ZNF75D: variants seen among roughly 807,000 people sequenced by gnomAD.
ZNF75D encodes zinc finger protein 75D, also known as zinc finger protein 75.
ZNF75D carries 33 observed loss-of-function variants against 33.3 expected under a neutral mutation model. The ratio of observed to expected loss-of-function variants is 0.99; its 90% CI spans 0.75 to 1.32. The LOEUF is 1.32. Among genes scored for constraint, ZNF75D ranks in the 40% most tolerant of loss-of-function variants. The pLI, the probability that ZNF75D is intolerant of heterozygous loss-of-function variation, is 0.00. For synonymous variants in ZNF75D, 113 were observed against 130.6 expected (o/e 0.87, Z 0.92); for missense variants, 338 against 367.5 (o/e 0.92, Z 0.66).
At chrX:135,260,010 T>C (rs1057274939) in intron 1 of ZNF75D, among the ~76,000 whole-genome samples, 9 of 112,257 alleles carry the variant, frequency 8.0e-5, no homozygotes, top group Non-Finnish European at 1.5e-4. Context: ...TGAAGGGCTG[T>C]TGAATTTTGT....
chrX:135,302,465 G>GC (rs1258061363), intron 1 of ZNF75D, among the ~76,000 whole-genome samples: 1 of 112,508 alleles, frequency 8.9e-6, no homozygotes, highest in Non-Finnish European at 1.9e-5. Context: ...GGCAGTGCTT[G>GC]TTTAGCTGCT....
chrX:135,263,538 C>G (rs2083851281), intron 1 of ZNF75D, among the ~76,000 whole-genome samples: 2 of 112,976 alleles, frequency 1.8e-5, no homozygotes, highest in Non-Finnish European at 3.7e-5. Context: ...CGCCCCTCCC[C>G]TAGCCAGGTT....
At position 135,292,244 on chromosome X, in the gene ZNF75D, G is replaced by C. The variant is rs374530162; in HGVS notation, c.604+37C>G. On this transcript the variant is annotated intron_variant, in intron 4 of 6. Coordinates refer to ENST00000370766, the MANE Select transcript of ZNF75D (RefSeq NM_007131.5). ...TCTAGGTGAACTAATTACTACCACA[G>C]CTCCCAGGAGAAGACAATTATGATG... 4 of 1,168,544 alleles carry C rather than the reference G, an allele frequency of 3.4e-6. No homozygotes were observed. In the African/African-American group the frequency reaches 5.3e-5, roughly 16 times the overall value.
intron 1 of ZNF75D, chrX:135,297,359 G>A (rs782502876): frequency 1.1e-4 from 12 of 112,331 alleles, no homozygotes; most frequent in Admixed American, 3.8e-4. Context: ...TAGTAAAAAT[G>A]TTTGGTTCAT....
chrX:135,336,919 A>G lies in ZNF75D; in HGVS notation c.-391+4849T>C, dbSNP rs781976680. Reference sequence around the variant, plus strand: ...TGTCATTAAGTTGTTAGGGACCTCCACTAATCAGATACCTGCAAAGAAGTC... The same window carrying G: ...TGTCATTAAGTTGTTAGGGACCTCCGCTAATCAGATACCTGCAAAGAAGTC... On this transcript the variant is annotated intron_variant, in intron 1 of 6. Transcript: ENST00000370766. Among the ~76,000 whole-genome samples the G allele has an allele frequency of 1.5e-4, 17 of 111,644 alleles. No individual in the cohort carries two copies. In the South Asian group the frequency reaches 6.4e-3, roughly 42 times the overall value.
rs1193108953 is a variant in ZNF75D, at chrX:135,275,114, G to A, written n.828-19337C>T. On this transcript the variant is annotated intron_variant and non_coding_transcript_variant, in intron 1 of 3. Transcript: ENST00000494295. ...GAACCAGTAAATAGGGGGAAAAGAT[G>A]TAGAAAAAGTTAAGATAATAAAATA... Among the ~76,000 whole-genome samples the A allele has an allele frequency of 3.6e-5, 4 of 112,661 alleles. No homozygotes were observed. The Admixed American group carries it at 3.8e-4, about 11-fold the overall frequency.
Position 135,287,830 on chromosome X carries a change from A to C in ZNF75D, c.840T>G (p.Asn280Lys). 2.5e-6 allele frequency: 3 copies of C among 1,201,850 alleles called. No individual in the cohort carries two copies. The highest frequency in any genetic ancestry group is 1.1e-6 in the Non-Finnish European group (1 of 888,350). The change falls in exon 7 of 7, where the codon AAT (asparagine) becomes AAG (lysine). Residue 280 changes from asparagine (N) to lysine (K), a missense_variant. Asn to Lys is a moderately conservative substitution (Grantham distance 94). This residue lies in a region of ZNF75D where 254 missense variants were observed against 267.7 expected (regional missense o/e 0.95). Coordinates refer to ENST00000370766, the MANE Select transcript of ZNF75D (RefSeq NM_007131.5). The part of the protein sequence containing the change: ...TVISLGLKLK[N>K]DTGNDHPISV... ...ATATAGGATGATCATTTCCAGTGTC[A>C]TTTTTTAGCTTTAACCCTGTTAGAA...
chrX:135,275,927 C>A (rs1257535588), intron 1 of ZNF75D, among the ~76,000 whole-genome samples: 2 of 111,495 alleles, frequency 1.8e-5, no homozygotes. Flanking sequence ...TCTCTCTCTG[C>A]CTGATTTCTC....
rs1311147044 is a variant in ZNF75D at position 135,259,653 on chromosome X, G to T, written n.828-3876C>A. ...TTTGCACATTGATTTTGTATCCTAA[G>T]ATTTTGCTGAAGTTGCTTATCAGCT... is the stretch of plus-strand genomic sequence containing the variant. On this transcript the variant is annotated intron_variant and non_coding_transcript_variant, in intron 1 of 3. Transcript: ENST00000494295. 5.4e-5 allele frequency among the ~76,000 whole-genome samples: 6 copies of T among 111,976 alleles called. No homozygotes were observed. The Admixed American group carries it at 5.7e-4, about 11-fold the overall frequency.
chrX:135,294,812 A>C (rs2084101054), intron 2 of ZNF75D, among the ~76,000 whole-genome samples: 1 of 111,902 alleles, frequency 8.9e-6, no homozygotes, highest in African/African-American at 3.2e-5. Flanking sequence ...CAGCAAGATC[A>C]GAGTAGAAGT....
chrX:135,335,334 G>A (rs369812110), intron 1 of ZNF75D, among the ~76,000 whole-genome samples: 2 of 110,742 alleles, frequency 1.8e-5, no homozygotes, highest in South Asian at 3.9e-4. Context: ...AGTGCATCAC[G>A]GGGAGCAGCT....
At position 135,256,674 on chromosome X, in the gene ZNF75D, C is replaced by T. The variant is rs1413878593; in HGVS notation, n.828-897G>A. 2.7e-5 allele frequency among the ~76,000 whole-genome samples: 3 copies of T among 111,428 alleles called. No homozygotes were observed. The East Asian group carries it at 8.5e-4, about 32-fold the overall frequency. On this transcript the variant is annotated intron_variant and non_coding_transcript_variant, in intron 1 of 3. Coordinates refer to the ZNF75D transcript ENST00000494295. Reference sequence around the variant, plus strand: ...CAGCAGCTGACATGACTAGCGGAGCCCTTGTGCCATCCCTCCTCCAACCCC... The same window carrying T: ...CAGCAGCTGACATGACTAGCGGAGCTCTTGTGCCATCCCTCCTCCAACCCC...
chrX:135,338,172 T>G (rs2084739712), intron 1 of ZNF75D, among the ~76,000 whole-genome samples: 1 of 111,250 alleles, frequency 9.0e-6, no homozygotes, highest in African/African-American at 3.3e-5. Flanking sequence ...TCAACAGACC[T>G]GTTCCTCTCT....
intron 1 of ZNF75D, among the ~76,000 whole-genome samples, chrX:135,339,944 G>A (rs1164314686): frequency 8.9e-6 from 1 of 112,411 alleles, no homozygotes; most frequent in Admixed American, 9.4e-5. Flanking sequence ...CACAACTTTG[G>A]GCACCACAGT....
At chrX:135,266,867 CA>C (rs1349261203) in intron 1 of ZNF75D, among the ~76,000 whole-genome samples, 2 of 111,568 alleles carry the variant, frequency 1.8e-5, no homozygotes, top group Non-Finnish European at 3.8e-5. Context: ...GGGTAGGTCA[CA>C]AAACAAGTCT....
chrX:135,296,079 G>C (rs1371811655), intron 1 of ZNF75D, 40 bp from the exon 2 acceptor site: 4 of 110,997 alleles, frequency 3.6e-5, no homozygotes, highest in African/African-American at 1.3e-4. Flanking sequence ...ATGCATTTCC[G>C]GTGGCTTTGT....
At chrX:135,285,365 T>A (rs981365083), downstream of ZNF75D, among the ~76,000 whole-genome samples, 1 of 111,905 alleles carries the variant, frequency 8.9e-6, no homozygotes, top group African/African-American at 3.3e-5. Context: ...GCTAGCTGAA[T>A]TGGGACATCA....
intron 5 of ZNF75D, 122 bp downstream of exon 5, chrX:135,291,350 G>T: frequency 1.1e-6 from 1 of 898,988 alleles, no homozygotes; most frequent in Non-Finnish European, 1.6e-6. Context: ...GTTGCCTAGA[G>T]AATAACTGGG....
chrX:135,333,310 T>C (rs1556441051), intron 1 of ZNF75D, among the ~76,000 whole-genome samples: 1 of 111,675 alleles, frequency 9.0e-6, no homozygotes. Flanking sequence ...TGCTGCCTCT[T>C]ATTGGCCAAA....
Sources: allele counts gnomAD v4.1 joint callset (sites outside exome capture counted in the v4.1 genomes callset), GRCh38; gene constraint gnomAD v4.1.1; regional missense constraint gnomAD v4.1.1; transcripts MANE v1.5; gene names NCBI Gene and HGNC (gene_info 2026-07-23, HGNC 2026-07-21).